Variants in FGF13 observed in about 807,000 individuals in gnomAD.
The protein encoded by FGF13 is fibroblast growth factor 13, also known as fibroblast growth factor homologous factor 2.
In FGF13, 2 loss-of-function variants were observed where a neutral mutation model predicts 19.5. The ratio of observed to expected loss-of-function variants is 0.10; its 90% CI spans 0.04 to 0.32. FGF13 has a LOEUF of 0.32. Among genes scored for constraint, FGF13 ranks in the 10% least tolerant of loss-of-function variants. The probability of loss-of-function intolerance (pLI) is 1.00; values close to 1 mark genes in which losing one functional copy is unlikely to be tolerated. For missense variants in FGF13, 113 were observed against 192.7 expected (o/e 0.59, Z 2.45); for synonymous variants, 72 against 76.9 (o/e 0.94, Z 0.33).
chrX:139,197,965 G>A (rs1438180054), intron 1 of FGF13, among the ~76,000 whole-genome samples: 1 of 87,933 alleles, frequency 1.1e-5, no homozygotes, highest in Admixed American at 1.4e-4. Flanking sequence ...CTGCACTCCA[G>A]TCTGGGTGAC....
At chrX:138,949,084 T>C (rs2091796949) in intron 1 of FGF13, among the ~76,000 whole-genome samples, 1 of 111,598 alleles carries the variant, frequency 9.0e-6, no homozygotes, top group East Asian at 2.8e-4. Flanking sequence ...TTGTGATCTT[T>C]TTTTCTGCTA....
At chrX:139,080,003 AT>A (rs761385544) in intron 1 of FGF13, among the ~76,000 whole-genome samples, 17 of 109,842 alleles carry the variant, frequency 1.5e-4, no homozygotes, top group African/African-American at 5.3e-4. Context: ...CATCATCATC[AT>A]CATCATCATC....
At chrX:138,678,333 A>G (rs1398463515) in intron 3 of FGF13, among the ~76,000 whole-genome samples, 1 of 111,656 alleles carries the variant, frequency 9.0e-6, no homozygotes, top group South Asian at 3.8e-4. Flanking sequence ...TAACCTGCAC[A>G]TTGTGCACAT....
chrX:138,739,369 T>G, upstream of FGF13: 1 of 922,108 alleles, frequency 1.1e-6, no homozygotes. Context: ...ATATCTAAAG[T>G]ATTCTCCAAG....
chrX:138,808,316 G>C (rs777156969), intron 3 of FGF13, among the ~76,000 whole-genome samples: 176 of 111,880 alleles, frequency 1.6e-3, no homozygotes, highest in African/African-American at 5.5e-3. Context: ...TGCAAGGAAA[G>C]TGAACAACCT....
At chrX:139,174,647 T>C (rs959422450) in intron 1 of FGF13, among the ~76,000 whole-genome samples, 40 of 111,997 alleles carry the variant, frequency 3.6e-4, no homozygotes, top group Non-Finnish European at 1.3e-4. Flanking sequence ...ATTTATTAAA[T>C]AGGGAATCCT....
chrX:138,805,004 T>C (rs1309759903), intron 3 of FGF13, among the ~76,000 whole-genome samples: 1 of 111,945 alleles, frequency 8.9e-6, no homozygotes, highest in African/African-American at 3.2e-5. Context: ...TACTAAATGG[T>C]ATCATGATTC....
At chrX:138,843,604 A>G (rs1228082721) in intron 3 of FGF13, among the ~76,000 whole-genome samples, 1 of 111,691 alleles carries the variant, frequency 9.0e-6, no homozygotes, top group African/African-American at 3.3e-5. Context: ...GTCAGCAAAA[A>G]GTGTCTAAAA....
At chrX:139,160,824 T>C (rs1233694922) in intron 1 of FGF13, among the ~76,000 whole-genome samples, 1 of 111,745 alleles carries the variant, frequency 8.9e-6, no homozygotes, top group Non-Finnish European at 1.9e-5. Context: ...AATAGACCAA[T>C]GACAAGTTCT....
chrX:139,193,051 T>C (rs538411483), intron 1 of FGF13, among the ~76,000 whole-genome samples: 1 of 111,853 alleles, frequency 8.9e-6, no homozygotes, highest in South Asian at 3.9e-4. Flanking sequence ...TGAATTAATT[T>C]ACACATGCAT....
chrX:138,917,281 T>C (rs934452341), intron 1 of FGF13, among the ~76,000 whole-genome samples: 1 of 111,245 alleles, frequency 9.0e-6, no homozygotes, highest in Non-Finnish European at 1.9e-5. Flanking sequence ...GTAATTAAGG[T>C]TAAATGGGTT....
At chrX:138,823,729 C>T (rs1170544102) in intron 3 of FGF13, among the ~76,000 whole-genome samples, 1 of 111,962 alleles carries the variant, frequency 8.9e-6, no homozygotes, top group African/African-American at 3.3e-5. Flanking sequence ...CATTTCTGAG[C>T]ACTTACTAGG....
chrX:139,025,297 T>A, intron 1 of FGF13, among the ~76,000 whole-genome samples: 1 of 112,024 alleles, frequency 8.9e-6, no homozygotes, highest in African/African-American at 3.2e-5. Context: ...ATACTTTTCT[T>A]CAGTCCATTT....
chrX:138,873,407 G>A (rs771110495), intron 1 of FGF13, among the ~76,000 whole-genome samples: 6 of 112,054 alleles, frequency 5.4e-5, no homozygotes, highest in Admixed American at 9.5e-5. Flanking sequence ...TAGTCCCACA[G>A]GAAGCTCTGT....
intron 3 of FGF13, among the ~76,000 whole-genome samples, chrX:138,648,206 T>C (rs930637143): frequency 1.7e-4 from 19 of 112,274 alleles, no homozygotes; most frequent in African/African-American, 5.8e-4. Flanking sequence ...GTTATATTCA[T>C]GCTGTGAACA....
chrX:139,071,783 C>G (rs2092377367), intron 1 of FGF13, among the ~76,000 whole-genome samples: 1 of 109,568 alleles, frequency 9.1e-6, no homozygotes, highest in Admixed American at 9.8e-5. Flanking sequence ...TTAGGGAGGC[C>G]GAGGCTGGCA....
intron 1 of FGF13, among the ~76,000 whole-genome samples, chrX:139,061,170 C>T (rs191219875): frequency 1.3e-3 from 140 of 111,859 alleles, no homozygotes; most frequent in African/African-American, 4.5e-3. Context: ...TACAATCATC[C>T]ATGATCTTTT....
chrX:139,066,597 A>G (rs900867591), intron 1 of FGF13, among the ~76,000 whole-genome samples: 3 of 111,909 alleles, frequency 2.7e-5, no homozygotes, highest in African/African-American at 9.7e-5. Context: ...GAATCCCTGA[A>G]TAGACCAGTA....
intron 3 of FGF13, among the ~76,000 whole-genome samples, chrX:138,818,203 G>T (rs780230329): frequency 1.8e-5 from 2 of 111,254 alleles, no homozygotes; most frequent in South Asian, 7.7e-4. Flanking sequence ...CTCAGAGTGT[G>T]AAGTATGGAA....
Sources: gnomAD v4.1 joint callset for allele counts (sites outside exome capture counted in the v4.1 genomes callset) on GRCh38, gnomAD v4.1.1 for gene constraint, MANE v1.5 for transcripts, NCBI Gene and HGNC (gene_info 2026-07-23, HGNC 2026-07-21) for gene names.